Variants in PCDH9 observed in about 807,000 individuals in gnomAD.
PCDH9 encodes protocadherin-9.
In PCDH9, 24 loss-of-function variants were observed where a neutral mutation model predicts 70.6. That is an observed-to-expected ratio of 0.34 (90% CI 0.25 to 0.48). PCDH9 has a LOEUF of 0.48. Among genes scored for constraint, PCDH9 ranks in the 20% least tolerant of loss-of-function variants. PCDH9 has a pLI of 0.99. For synonymous variants in PCDH9, 562 were observed against 558.5 expected (o/e 1.01, Z -0.09); for missense variants, 1,281 against 1,503.6 (o/e 0.85, Z 2.45).
At chr13:67,070,322 T>C (rs1342288575) in intron 2 of PCDH9, among the ~76,000 whole-genome samples, 1 of 152,054 alleles carries the variant, frequency 6.6e-6, no homozygotes. Flanking sequence ...GAGAGTCTCA[T>C]TTCACCCTCA....
chr13:66,972,555 T>A (rs1167266557), intron 2 of PCDH9, among the ~76,000 whole-genome samples: 5 of 151,958 alleles, frequency 3.3e-5, no homozygotes, highest in Admixed American at 6.6e-5. Context: ...GCTATTCTCC[T>A]CACCAAGCAT....
At chr13:66,558,625 C>T (rs1039970285) in intron 4 of PCDH9, among the ~76,000 whole-genome samples, 11 of 151,836 alleles carry the variant, frequency 7.2e-5, no homozygotes, top group African/African-American at 2.7e-4. Context: ...TCAGAAAGTG[C>T]CCTAGTACAC....
chr13:66,512,282 T>TTATATATATATATATA (rs35496834), intron 4 of PCDH9, among the ~76,000 whole-genome samples: 93 of 144,410 alleles, frequency 6.4e-4, no homozygotes, highest in East Asian at 3.9e-3. Context: ...ACCTTAGGAA[T>TTATATATATATATATA]TATATATATA....
At chr13:66,798,019 GGAAAGGAGGAAGAGAGCAAGA>G (rs2080272115) in intron 3 of PCDH9, among the ~76,000 whole-genome samples, 1 of 151,330 alleles carries the variant, frequency 6.6e-6, no homozygotes, top group South Asian at 2.1e-4. Context: ...GAAAAAATAG[GGAAAGGAGGAAGAGAGCAAGA>G]GAAAGATAAA....
intron 3 of PCDH9, among the ~76,000 whole-genome samples, chr13:66,771,908 CAA>C (rs1279710830): frequency 6.6e-6 from 1 of 152,110 alleles, no homozygotes; most frequent in Non-Finnish European, 1.5e-5. Flanking sequence ...TTTAGAAAAG[CAA>C]AGACATCTTG....
chr13:67,088,223 C>T (rs999087626), intron 2 of PCDH9, among the ~76,000 whole-genome samples: 5 of 151,732 alleles, frequency 3.3e-5, no homozygotes, highest in African/African-American at 7.3e-5. Flanking sequence ...TAATACATTA[C>T]ATTAACCCAT....
intron 4 of PCDH9, among the ~76,000 whole-genome samples, chr13:66,378,304 C>T (rs1378264194): frequency 1.3e-5 from 2 of 152,060 alleles, no homozygotes; most frequent in Non-Finnish European, 2.9e-5. Context: ...AGAAGTAATC[C>T]ATCCTGAGTT....
At chr13:66,592,016 G>T (rs2077044857) in intron 4 of PCDH9, among the ~76,000 whole-genome samples, 2 of 151,598 alleles carry the variant, frequency 1.3e-5, no homozygotes, top group African/African-American at 4.8e-5. Flanking sequence ...ACTATTTAAT[G>T]AATTCTACAT....
intron 4 of PCDH9, among the ~76,000 whole-genome samples, chr13:66,563,876 T>C (rs1251216585): frequency 6.6e-6 from 1 of 152,190 alleles, no homozygotes; most frequent in East Asian, 1.9e-4. Context: ...AGTTTTATTT[T>C]CATCAGGACA....
chr13:66,675,053 C>A (rs9317602), intron 3 of PCDH9, among the ~76,000 whole-genome samples: 4 of 151,814 alleles, frequency 2.6e-5, no homozygotes, highest in African/African-American at 7.3e-5. Context: ...TTTGCTTAGT[C>A]TTACTTGAAA....
At chr13:66,586,076 G>A (rs750311887) in intron 4 of PCDH9, among the ~76,000 whole-genome samples, 1 of 152,134 alleles carries the variant, frequency 6.6e-6, no homozygotes, top group African/African-American at 2.4e-5. Flanking sequence ...GCAAGGGAAA[G>A]CATTCACAAC....
intron 3 of PCDH9, among the ~76,000 whole-genome samples, chr13:66,664,348 G>A (rs2139023811): frequency 6.6e-6 from 1 of 152,130 alleles, no homozygotes; most frequent in South Asian, 2.1e-4. Context: ...ATTAATAGTA[G>A]TTTGTTATGA....
intron 4 of PCDH9, among the ~76,000 whole-genome samples, chr13:66,362,654 G>C (rs768001628): frequency 2.3e-4 from 35 of 151,852 alleles, no homozygotes; most frequent in Non-Finnish European, 4.3e-4. Context: ...CTTCTTCTTT[G>C]TCTCTCTCTG....
rs555297918 is a variant in PCDH9 at position 66,688,200 on chromosome 13, A to G, written c.3139-56789T>C. Among the ~76,000 whole-genome samples, 5 of 152,232 alleles carry G rather than the reference A, an allele frequency of 3.3e-5. No homozygotes were observed. In the South Asian group the frequency reaches 1.0e-3, roughly 32 times the overall value. On this transcript the variant is annotated intron_variant, in intron 3 of 4. Coordinates refer to ENST00000377865, the MANE Select transcript of PCDH9 (RefSeq NM_203487.3). ...GCACTCCCTTTATACTATTGACTCAATGGATTTCATCTAATCATCTTCTGT... is the reference window on the plus strand; with the variant it reads ...GCACTCCCTTTATACTATTGACTCAGTGGATTTCATCTAATCATCTTCTGT...
chr13:66,482,059 A>G (rs979925528), intron 4 of PCDH9, among the ~76,000 whole-genome samples: 1 of 152,152 alleles, frequency 6.6e-6, no homozygotes, highest in African/African-American at 2.4e-5. Context: ...ATTTTTGGGT[A>G]CCTTTCATCT....
At chr13:66,972,349 G>A (rs1424645659) in intron 2 of PCDH9, among the ~76,000 whole-genome samples, 2 of 151,896 alleles carry the variant, frequency 1.3e-5, no homozygotes, top group African/African-American at 4.8e-5. Context: ...AGAGGAGGAT[G>A]AGACAATTAT....
intron 2 of PCDH9, among the ~76,000 whole-genome samples, chr13:67,125,946 A>G (rs948403207): frequency 1.1e-4 from 16 of 152,122 alleles, no homozygotes; most frequent in African/African-American, 3.9e-4. Context: ...TTTTAATTGT[A>G]TACTTTAAAT....
At chr13:66,845,188 C>T (rs919118351) in intron 3 of PCDH9, among the ~76,000 whole-genome samples, 2 of 152,170 alleles carry the variant, frequency 1.3e-5, no homozygotes, top group African/African-American at 2.4e-5. Flanking sequence ...TGCCTCCGAC[C>T]GCTGTTCATA....
At chr13:66,927,877 G>A (rs919072068) in intron 2 of PCDH9, among the ~76,000 whole-genome samples, 2 of 151,994 alleles carry the variant, frequency 1.3e-5, no homozygotes, top group African/African-American at 2.4e-5. Context: ...TAATTTTGGG[G>A]AAACACAATT....
Sources: allele counts gnomAD v4.1 joint callset (sites outside exome capture counted in the v4.1 genomes callset), GRCh38; gene constraint gnomAD v4.1.1; transcripts MANE v1.5; gene names NCBI Gene and HGNC (gene_info 2026-07-23, HGNC 2026-07-21).